TXNDC17: variants seen among roughly 807,000 people sequenced by gnomAD.
TXNDC17 encodes thioredoxin domain-containing protein 17.
Under a neutral mutation model 16.3 loss-of-function variants are expected in TXNDC17, and 12 were observed. The ratio of observed to expected loss-of-function variants is 0.74; its 90% CI spans 0.47 to 1.19. The LOEUF (loss-of-function observed/expected upper bound fraction) is 1.19, where lower values mean the gene tolerates loss of function less well. Ranked by LOEUF, TXNDC17 falls within the 50% of genes most tolerant of loss-of-function variation. The pLI is 0.00. For synonymous variants in TXNDC17, 62 were observed against 55.0 expected (o/e 1.13, Z -0.56); for missense variants, 158 against 149.7 (o/e 1.06, Z -0.29).
intron 1 of TXNDC17, 184 bp downstream of exon 1, chr17:6,641,411 C>A: frequency 2.4e-6 from 2 of 824,562 alleles, no homozygotes; most frequent in Non-Finnish European, 3.7e-6. Context: ...CTTCCTTTTA[C>A]CACCTTACCC....
chr17:6,642,063 ATC>A (rs1972688034), intron 2 of TXNDC17, 184 bp from the exon 3 acceptor site: 3 of 658,114 alleles, frequency 4.6e-6, no homozygotes, highest in Non-Finnish European at 8.0e-6. Context: ...TTACTTTTAT[ATC>A]TTAGTCACAC....
chr17:6,641,774 G>A lies in TXNDC17; in HGVS notation c.167G>A (p.Gly56Glu), dbSNP rs1597628886. The change falls in exon 2 of 4, where the codon GGG becomes GAG. Residue 56 changes from glycine (G) to glutamate (E), a missense_variant. Transcript: ENST00000250101. ...CVQAEPVVRE[G>E]LKHISEGCVF... ...AAAGCTGAACCAGTCGTACGAGAGG[G>A]GCTGAAGCACATTAGTGAAGGATGT... The A allele has an allele frequency of 6.2e-7, 1 of 1,614,090 alleles. No individual in the cohort carries two copies. Among genetic ancestry groups the A allele is most frequent in the East Asian group, 2.2e-5 (1 of 44,894 alleles).
intron 2 of TXNDC17, 87 bp from the exon 3 acceptor site, chr17:6,642,162 A>T (rs1227274507): frequency 3.1e-6 from 3 of 953,758 alleles, no homozygotes; most frequent in Non-Finnish European, 3.2e-6. Flanking sequence ...ATTACTAAAA[A>T]ATTAAATGTA....
intron 1 of TXNDC17, 102 bp from the exon 2 acceptor site, chr17:6,641,651 C>T: frequency 8.8e-7 from 1 of 1,139,408 alleles, no homozygotes; most frequent in East Asian, 2.5e-5. Flanking sequence ...AGGTTAAAGT[C>T]TGAGTGCTTA....
chr17:6,642,892 T>C (rs1972712520), intron 3 of TXNDC17, 59 bp from the exon 4 acceptor site: 1 of 1,308,056 alleles, frequency 7.6e-7, no homozygotes, highest in Non-Finnish European at 1.1e-6. Flanking sequence ...GCAGAACTCA[T>C]TCCACTCCTA....
Position 6,644,036 on chromosome 17 carries a change from T to C in TXNDC17, c.*1017T>C. 1 of 401,130 alleles carries C rather than the reference T, an allele frequency of 2.5e-6. No homozygotes were observed. Among genetic ancestry groups the C allele is most frequent in the Non-Finnish European group, 4.4e-6 (1 of 227,566 alleles). The allele number at this position is 401,130 out of a possible 1,614,324, so 24.8% of individuals were successfully genotyped here. A position where few individuals can be genotyped will look rare whatever the true frequency, so the allele number is the denominator to read the frequency against. On this transcript the variant is annotated 3_prime_UTR_variant, in exon 4 of 4. Coordinates refer to ENST00000250101, the MANE Select transcript of TXNDC17 (RefSeq NM_032731.4). ...AAAGAGGTCAGTGACTCCGCTACTC[T>C]CACTACATCTTAGAGTAGAGTGGTA... is the stretch of plus-strand genomic sequence containing the variant.
Position 6,644,101 on chromosome 17 carries a change from C to T in TXNDC17, c.*1082C>T, listed in dbSNP as rs141923325. 0.031 allele frequency: 12,622 copies of T among 412,340 alleles called. 240 individuals are homozygous for T. Among genetic ancestry groups the T allele is most frequent in the Non-Finnish European group, 0.042 (9,772 of 233,640 alleles). The allele number at this position is 412,340 out of a possible 1,614,324, so 25.5% of individuals were successfully genotyped here. ...AGACAGTAAGGTTCCAGGAGATGGT[C>T]TTGCCCTACTATATGTCAGGAACAG... On this transcript the variant is annotated 3_prime_UTR_variant, in exon 4 of 4. Transcript: ENST00000250101.
chr17:6,641,323 T>G, intron 1 of TXNDC17, 96 bp downstream of exon 1: 22 of 1,542,118 alleles, frequency 1.4e-5, no homozygotes, highest in Non-Finnish European at 1.9e-5. Context: ...GAGTCTTGGT[T>G]CCAGACATCC....
chr17:6,641,081 C>G lies in TXNDC17; in HGVS notation c.-2C>G. The stretch of plus-strand genomic sequence containing the variant: ...CTCCAGTAGCGGCTGCACGTCGTGC[C>G]AATGGCCCGCTATGAGGAGGTGAGC... On this transcript the variant is annotated 5_prime_UTR_variant, in exon 1 of 4. Coordinates refer to ENST00000250101, the MANE Select transcript of TXNDC17 (RefSeq NM_032731.4). The G allele has an allele frequency of 6.2e-7, 1 of 1,612,364 alleles. No individual in the cohort carries two copies. Among genetic ancestry groups the G allele is most frequent in the Non-Finnish European group, 8.5e-7 (1 of 1,179,694 alleles).
In TXNDC17 at chr17:6,643,015, A is replaced by AT; in HGVS notation, c.370dup (p.Ter124LeufsTer4). 1.2e-6 allele frequency: 2 copies of AT among 1,613,722 alleles called. No individual in the cohort carries two copies. Among genetic ancestry groups the AT allele is most frequent in the Non-Finnish European group, 1.7e-6 (2 of 1,179,742 alleles). ...CTGGTGGAAATGTTGTTCTCTGAAG[A>AT]TTAAGATTTTAGGATGGCAATCATG... is the stretch of plus-strand genomic sequence containing the variant. On this transcript the variant is annotated frameshift_variant, in exon 4 of 4. Coordinates refer to ENST00000250101, the MANE Select transcript of TXNDC17 (RefSeq NM_032731.4). LOFTEE classifies it high-confidence loss of function.
chr17:6,641,991 C>T, intron 2 of TXNDC17, 157 bp downstream of exon 2: 2 of 757,182 alleles, frequency 2.6e-6, no homozygotes, highest in African/African-American at 3.5e-5. Context: ...AAATGCCCAC[C>T]TGAATTAAGT....
In TXNDC17 at chr17:6,644,278, TC is replaced by T. The variant is rs1972735974; in HGVS notation, c.*1260del. ...AACACCTTACAAATCCACAGGGAAA[TC>T]AAAGAACAATTCAGGTTTAACAGAA... On this transcript the variant is annotated 3_prime_UTR_variant, in exon 4 of 4. Coordinates refer to ENST00000250101, the MANE Select transcript of TXNDC17 (RefSeq NM_032731.4). The T allele has an allele frequency of 1.6e-6, 1 of 606,942 alleles. No individual in the cohort carries two copies. The highest frequency in any genetic ancestry group is 2.6e-6 in the Non-Finnish European group (1 of 390,642). The allele number at this position is 606,942 out of a possible 1,614,324, so 37.6% of individuals were successfully genotyped here.
chr17:6,642,374 T>C (rs770968692), intron 3 of TXNDC17, 50 bp downstream of exon 3: 1 of 1,273,206 alleles, frequency 7.9e-7, no homozygotes, highest in East Asian at 2.3e-5. Flanking sequence ...CAGAACTCTT[T>C]TAACTTGCTG....
intron 2 of TXNDC17, 86 bp downstream of exon 2, chr17:6,641,920 T>C: frequency 8.3e-7 from 1 of 1,201,420 alleles, no homozygotes; most frequent in Admixed American, 1.8e-5. Flanking sequence ...ACTTACCCAG[T>C]TTGTCTTACA....
rs760114714 is a variant in TXNDC17, at chr17:6,643,050, C to G, written c.*31C>G. 6.3e-7 allele frequency: 1 copy of G among 1,576,684 alleles called. No homozygotes were observed. Among genetic ancestry groups the G allele is most frequent in the South Asian group, 1.1e-5 (1 of 90,176 alleles). ...TAGGATGGCAATCATGTCTTGATGT[C>G]CTGATTTGTTCTAGTATCAATAAAC... On this transcript the variant is annotated 3_prime_UTR_variant, in exon 4 of 4. Transcript: ENST00000250101.
intron 1 of TXNDC17, 187 bp downstream of exon 1, chr17:6,641,414 C>T (rs2150944929): frequency 3.7e-6 from 3 of 813,876 alleles, no homozygotes; most frequent in Admixed American, 2.9e-5. Flanking sequence ...CCTTTTACCA[C>T]CTTACCCGGA....
At chr17:6,642,638 T>C in intron 3 of TXNDC17, 1 of 459,370 alleles carries the variant, frequency 2.2e-6, no homozygotes, top group East Asian at 3.8e-5. Flanking sequence ...GCATCTCTTC[T>C]AGTTCAGTCA....
chr17:6,641,866 C>A (rs1357580132), intron 2 of TXNDC17, 32 bp downstream of exon 2: 2 of 1,600,076 alleles, frequency 1.2e-6, no homozygotes, highest in Non-Finnish European at 1.7e-6. Flanking sequence ...ACCTCGCAGA[C>A]GTGCACAAAT....
Position 6,641,178 on chromosome 17 carries a change from G to A in TXNDC17, c.96G>A (p.Thr32=). The part of the protein sequence containing the change: ...HNGKTIFAYF[T]GSKDAGGKSW... ...GCAAGACCATTTTCGCCTACTTTAC[G>A]GGTTCTAAGGACGCCGGGGGGAAAA... The change falls in exon 1 of 4, where the codon ACG becomes ACA. Residue 32 remains threonine, a synonymous_variant. Transcript: ENST00000250101. The A allele has an allele frequency of 1.2e-6, 2 of 1,613,732 alleles. No homozygotes were observed. The highest frequency in any genetic ancestry group is 1.7e-5 in the Admixed American group (1 of 60,030).
Sources: gnomAD v4.1 joint callset for allele counts on GRCh38, gnomAD v4.1.1 for gene constraint, MANE v1.5 for transcripts, NCBI Gene and HGNC (gene_info 2026-07-23, HGNC 2026-07-21) for gene names.